Variants in GALNT15 observed in about 807,000 individuals in gnomAD.
GALNT15 encodes UDP-GalNAc transferase T15.
A neutral mutation model predicts 66.8 loss-of-function variants in GALNT15; 67 were observed. The observed-to-expected ratio is 1.00, with a 90% confidence interval of 0.82 to 1.23. The LOEUF is 1.23. GALNT15 is among the 50% of genes most tolerant of loss of function. The pLI, the probability that GALNT15 is intolerant of heterozygous loss-of-function variation, is 0.00. For synonymous variants in GALNT15, 313 were observed against 311.5 expected (o/e 1.00, Z -0.05); for missense variants, 827 against 804.3 (o/e 1.03, Z -0.34).
downstream of GALNT15, among the ~76,000 whole-genome samples, chr3:16,234,022 A>G (rs1445824895): frequency 6.6e-6 from 1 of 152,186 alleles, no homozygotes; most frequent in Non-Finnish European, 1.5e-5. Context: ...CTCCCTGGAG[A>G]TGGGCCAGGA....
At chr3:16,218,810 C>CTTTTTTT (rs10538222) in intron 6 of GALNT15, among the ~76,000 whole-genome samples, 6 of 92,920 alleles carry the variant, frequency 6.5e-5, no homozygotes, top group Non-Finnish European at 1.2e-4. Context: ...CTCTCTCTCT[C>CTTTTTTT]TTTTTTTTTT....
downstream of GALNT15, among the ~76,000 whole-genome samples, chr3:16,233,993 T>C (rs6442589): frequency 0.13 from 19,669 of 152,196 alleles, 1,461 homozygotes; most frequent in African/African-American, 0.18. Flanking sequence ...TGGATTTTCA[T>C]AGAGGCAAGT....
intron 1 of GALNT15, among the ~76,000 whole-genome samples, chr3:16,178,551 G>T (rs1442199355): frequency 6.6e-6 from 1 of 152,180 alleles, no homozygotes; most frequent in Non-Finnish European, 1.5e-5. Flanking sequence ...GGCCTGCGCA[G>T]CCCAGGCCTT....
At chr3:16,207,722 A>C (rs2063772794) in intron 3 of GALNT15, among the ~76,000 whole-genome samples, 1 of 152,094 alleles carries the variant, frequency 6.6e-6, no homozygotes, top group Admixed American at 6.6e-5. Context: ...GAGGAAGAAG[A>C]ACTAGACCTG....
chr3:16,220,700 T>A (rs1424143014), intron 8 of GALNT15, among the ~76,000 whole-genome samples: 1 of 152,146 alleles, frequency 6.6e-6, no homozygotes, highest in Non-Finnish European at 1.5e-5. Flanking sequence ...AACATCAAAG[T>A]ATAATTTCCT....
chr3:16,227,369 C>G lies in GALNT15; in HGVS notation c.1789C>G (p.His597Asp). The G allele has an allele frequency of 6.2e-7, 1 of 1,612,088 alleles. No homozygotes were observed. The highest frequency in any genetic ancestry group is 8.5e-7 in the Non-Finnish European group (1 of 1,179,176). ...CTCTTTTTAGAATGGGATGATTGTC[C>G]ACATTCTTTCTGGGAAATGCATGGA... ...WDFQENGMIV[H>D]ILSGKCMEAV... Residue 597 changes from histidine (H) to aspartate (D), a missense_variant, in exon 10 of 10, where the codon CAC becomes GAC. By Grantham distance (81) the His-to-Asp change is moderately conservative. Coordinates refer to ENST00000339732, the MANE Select transcript of GALNT15 (RefSeq NM_054110.5). The surrounding 1 kb of genome is among the most constrained non-coding windows in gnomAD (Gnocchi z 4.5).
In GALNT15 at chr3:16,228,076, C is replaced by T. The variant is rs2064042087; in HGVS notation, c.*576C>T. 3.0e-6 allele frequency: 3 copies of T among 986,068 alleles called. No homozygotes were observed. The Admixed American group carries it at 1.8e-4, about 61-fold the overall frequency. 61.1% of individuals were successfully genotyped at this position (986,068 alleles called of 1,614,324 possible). A position where few individuals can be genotyped will look rare whatever the true frequency, so the allele number is the denominator to read the frequency against. ...TAGGATTGCAGAGAAGATGCAAGAGCACTTTGGCCCAATTCTCCAGCTCAA... is the reference window on the plus strand; with the variant it reads ...TAGGATTGCAGAGAAGATGCAAGAGTACTTTGGCCCAATTCTCCAGCTCAA... On this transcript the variant is annotated 3_prime_UTR_variant, in exon 10 of 10. Coordinates refer to ENST00000339732, the MANE Select transcript of GALNT15 (RefSeq NM_054110.5).
At position 16,229,545 on chromosome 3, in the gene GALNT15, T is replaced by C; in HGVS notation, c.*2045T>C. On this transcript the variant is annotated 3_prime_UTR_variant, in exon 10 of 10. Transcript: ENST00000339732. ...TTCTTGCTTCAGACCCATCTATATTTAAAACAAATTTCCCTAAATCCTGAG... is the reference window on the plus strand; with the variant it reads ...TTCTTGCTTCAGACCCATCTATATTCAAAACAAATTTCCCTAAATCCTGAG... The C allele has an allele frequency of 3.0e-6, 3 of 985,034 alleles. No individual in the cohort carries two copies. The highest frequency in any genetic ancestry group is 1.7e-5 in the African/African-American group (1 of 57,334). 61.0% of individuals were successfully genotyped at this position (985,034 alleles called of 1,614,324 possible).
downstream of GALNT15, chr3:16,231,926 C>T (rs1303524101): frequency 2.0e-6 from 3 of 1,534,188 alleles, no homozygotes; most frequent in African/African-American, 1.4e-5. This position sits in a 1 kb window ranked among gnomAD's most constrained non-coding sequence, Gnocchi z 4.1. Context: ...CGATCACTCT[C>T]CTCTAGGCAC....
At chr3:16,194,015 C>A (rs1387674252) in intron 1 of GALNT15, among the ~76,000 whole-genome samples, 1 of 152,198 alleles carries the variant, frequency 6.6e-6, no homozygotes, top group Non-Finnish European at 1.5e-5. Flanking sequence ...GACAGCCCCT[C>A]AGCAGAGGGA....
At chr3:16,222,549 A>C in intron 8 of GALNT15, 66 bp from the exon 9 acceptor site, 1 of 1,598,444 alleles carries the variant, frequency 6.3e-7, no homozygotes, top group Non-Finnish European at 8.6e-7. Context: ...GGTTCTTCTT[A>C]CCTCCTCTAC....
intron 3 of GALNT15, among the ~76,000 whole-genome samples, chr3:16,201,374 G>A (rs1350129018): frequency 6.6e-6 from 1 of 151,098 alleles, no homozygotes; most frequent in Non-Finnish European, 1.5e-5. Flanking sequence ...GTAGAGAAGG[G>A]GTTTCACCGT....
At chr3:16,212,379 C>G (rs2063825657) in intron 5 of GALNT15, among the ~76,000 whole-genome samples, 190 bp from the exon 6 acceptor site, 1 of 152,130 alleles carries the variant, frequency 6.6e-6, no homozygotes, top group Non-Finnish European at 1.5e-5. Flanking sequence ...TTCTCTCCAC[C>G]CTGTCACTCC....
At position 16,200,850 on chromosome 3, in the gene GALNT15, C is replaced by G. The variant is rs773835557; in HGVS notation, c.911+27C>G. 6.4e-7 allele frequency: 1 copy of G among 1,560,276 alleles called. No individual in the cohort carries two copies. Among genetic ancestry groups the G allele is most frequent in the Admixed American group, 1.8e-5 (1 of 55,184 alleles). ...TAACTTATTCCCTGGGCTTGCAAAG[C>G]AAGACATGGAACTGGGAGAAACAGT... On this transcript the variant is annotated intron_variant, in intron 3 of 9. Transcript: ENST00000339732. The surrounding 1 kb of genome is among the most constrained non-coding windows in gnomAD (Gnocchi z 4.4).
chr3:16,212,611 C>G lies in GALNT15; in HGVS notation c.1240C>G (p.Arg414Gly). 2 of 1,613,988 alleles carry G rather than the reference C, an allele frequency of 1.2e-6. No homozygotes were observed. Among genetic ancestry groups the G allele is most frequent in the Non-Finnish European group, 1.7e-6 (2 of 1,179,992 alleles). The part of the protein sequence containing the change: ...GGSVEILPCS[R>G]VGHIYQNQDS... ...CTCTGTTGAAATCCTTCCCTGCTCT[C>G]GGGTAGGACACATCTACCAAAATCA... The change falls in exon 6 of 10, where the codon CGG becomes GGG. Residue 414 changes from arginine to glycine, a missense_variant. Coordinates refer to ENST00000339732, the MANE Select transcript of GALNT15 (RefSeq NM_054110.5).
chr3:16,216,380 T>C (rs530022491), intron 6 of GALNT15, among the ~76,000 whole-genome samples: 4 of 151,924 alleles, frequency 2.6e-5, no homozygotes, highest in Non-Finnish European at 4.4e-5. Flanking sequence ...GCACCTGTAG[T>C]GCCAGCTACT....
Position 16,203,543 on chromosome 3 carries a change from T to TCTCTCTCTCTCTCA in GALNT15, c.911+2721_911+2722insTCTCTCTCTCTCAC, listed in dbSNP as rs1491187404. ...CATTCTCTCTCTCTCTCTCTCTCTC[T>TCTCTCTCTCTCTCA]CACACACACACACACACACACACAC... On this transcript the variant is annotated intron_variant, in intron 3 of 9. Coordinates refer to ENST00000339732, the MANE Select transcript of GALNT15 (RefSeq NM_054110.5). This position sits in a 1 kb window ranked among gnomAD's most constrained non-coding sequence, Gnocchi z 6.2. Among the ~76,000 whole-genome samples, 6 of 61,164 alleles carry TCTCTCTCTCTCTCA rather than the reference T, an allele frequency of 9.8e-5. No homozygotes were observed. Among genetic ancestry groups the TCTCTCTCTCTCTCA allele is most frequent in the African/African-American group, 3.3e-4 (6 of 18,316 alleles). The allele number at this position is 61,164 out of a possible 152,430, so 40.1% of individuals were successfully genotyped here.
rs1462118540 is a variant in GALNT15, at chr3:16,195,138, T to A, written c.540-622T>A. Among the ~76,000 whole-genome samples, 1 of 152,180 alleles carries A rather than the reference T, an allele frequency of 6.6e-6. No homozygotes were observed. The highest frequency in any genetic ancestry group is 1.5e-5 in the Non-Finnish European group (1 of 68,030). ...ACACTTAACTACACGCATCATCCTA[T>A]CCAAGCCTCACCACAGCCTCGGGGA... On this transcript the variant is annotated intron_variant, in intron 1 of 9. Transcript: ENST00000339732. The surrounding 1 kb of genome is among the most constrained non-coding windows in gnomAD (Gnocchi z 4.6).
intron 3 of GALNT15, among the ~76,000 whole-genome samples, chr3:16,207,329 G>T: frequency 6.6e-6 from 1 of 151,900 alleles, no homozygotes; most frequent in East Asian, 1.9e-4. Context: ...TTCATTCCAT[G>T]GCACAGATTG....
Sources: allele counts gnomAD v4.1 joint callset (sites outside exome capture counted in the v4.1 genomes callset), GRCh38; gene constraint gnomAD v4.1.1; non-coding constraint Gnocchi (gnomAD v3.1); transcripts MANE v1.5; gene names NCBI Gene and HGNC (gene_info 2026-07-23, HGNC 2026-07-21).